Variants in CNBD1 observed in about 807,000 individuals in gnomAD.
CNBD1 encodes the protein cyclic nucleotide binding domain containing 1.
CNBD1 carries 71 observed loss-of-function variants against 54.4 expected under a neutral mutation model. The ratio of observed to expected loss-of-function variants is 1.30; its 90% CI spans 1.08 to 1.59. The LOEUF is 1.59. Ranked by LOEUF, CNBD1 falls within the 40% of genes most tolerant of loss-of-function variation. CNBD1 has a pLI of 0.00. For missense variants in CNBD1, 659 were observed against 518.0 expected, an observed-to-expected ratio of 1.27 and a Z score of -2.64; for synonymous variants, 182 against 170.7, an observed-to-expected ratio of 1.07 and a Z score of -0.51.
intron 4 of CNBD1, among the ~76,000 whole-genome samples, chr8:87,006,886 T>C (rs537155334): frequency 6.6e-6 from 1 of 152,358 alleles, no homozygotes; most frequent in African/African-American, 2.4e-5. Flanking sequence ...TAGTACGTAA[T>C]TGAACATTGT....
chr8:87,421,163 C>T (rs1339561569), intron 2 of CNBD1, among the ~76,000 whole-genome samples: 2 of 152,020 alleles, frequency 1.3e-5, no homozygotes, highest in Non-Finnish European at 2.9e-5. Context: ...CCAAATTTTA[C>T]CTTATCTCTG....
chr8:86,875,370 T>A (rs1265528144), intron 1 of CNBD1, among the ~76,000 whole-genome samples: 1 of 152,090 alleles, frequency 6.6e-6, no homozygotes, highest in Non-Finnish European at 1.5e-5. Context: ...TCACCCTACC[T>A]ACTCCTGGTA....
At chr8:86,933,847 A>G (rs1278243375) in intron 3 of CNBD1, among the ~76,000 whole-genome samples, 1 of 152,156 alleles carries the variant, frequency 6.6e-6, no homozygotes, top group Non-Finnish European at 1.5e-5. Flanking sequence ...CTTTTTAATT[A>G]CTAGTTCTAT....
chr8:87,155,077 T>G (rs562142127), intron 4 of CNBD1, among the ~76,000 whole-genome samples: 18 of 152,094 alleles, frequency 1.2e-4, no homozygotes, highest in Non-Finnish European at 2.2e-4. Context: ...GGAGGGCAAT[T>G]TTCCTCTTTT....
intron 4 of CNBD1, among the ~76,000 whole-genome samples, chr8:87,110,778 A>G (rs1404771309): frequency 1.3e-5 from 2 of 152,264 alleles, no homozygotes; most frequent in Non-Finnish European, 2.9e-5. Flanking sequence ...GCCCTGGGGC[A>G]AATCAACAAA....
rs558924187 is a variant in CNBD1 at position 87,356,562 on chromosome 8, A to G, written c.1303+2776A>G. On this transcript the variant is annotated intron_variant, in intron 10 of 10. Transcript: ENST00000518476. Reference sequence around the variant, plus strand: ...GTGGAAGAAATTTCTAAGCAGCAAAACATTCAAGAATTAGTGTGGGTGCAT... The same window carrying G: ...GTGGAAGAAATTTCTAAGCAGCAAAGCATTCAAGAATTAGTGTGGGTGCAT... 2.0e-5 allele frequency among the ~76,000 whole-genome samples: 3 copies of G among 152,264 alleles called. No homozygotes were observed. In the South Asian group the frequency reaches 6.2e-4, roughly 32 times the overall value.
At chr8:87,139,223 A>G (rs1812322602) in intron 4 of CNBD1, among the ~76,000 whole-genome samples, 1 of 152,232 alleles carries the variant, frequency 6.6e-6, no homozygotes, top group South Asian at 2.1e-4. Context: ...GATAGCAGAA[A>G]TTCAAAGTAA....
At chr8:87,388,104 C>G (rs1040796465) in intron 2 of CNBD1, among the ~76,000 whole-genome samples, 12 of 151,482 alleles carry the variant, frequency 7.9e-5, no homozygotes, top group Non-Finnish European at 1.6e-4. Flanking sequence ...ACATTCAAAA[C>G]TGTGTAGAGG....
intron 4 of CNBD1, among the ~76,000 whole-genome samples, chr8:87,125,699 C>A (rs569950696): frequency 6.6e-6 from 1 of 151,794 alleles, no homozygotes. Context: ...AAACAATAGG[C>A]TGTTCATATT....
At position 87,281,582 on chromosome 8, in the gene CNBD1, A is replaced by G. The variant is rs1483205029; in HGVS notation, c.772-3096A>G. Among the ~76,000 whole-genome samples the G allele has an allele frequency of 1.1e-4, 5 of 44,434 alleles. 2 individuals carry two copies. The highest frequency in any genetic ancestry group is 2.0e-4 in the Non-Finnish European group (4 of 19,798). 29.2% of individuals were successfully genotyped at this position (44,434 alleles called of 152,430 possible). ...TATATATATATATATATATATATAT[A>G]TATATATATATATATATATAACTAA... is the stretch of plus-strand genomic sequence containing the variant. On this transcript the variant is annotated intron_variant, in intron 6 of 10. Coordinates refer to ENST00000518476, the MANE Select transcript of CNBD1 (RefSeq NM_173538.3).
At chr8:87,098,640 G>A (rs1811363342) in intron 4 of CNBD1, among the ~76,000 whole-genome samples, 1 of 151,598 alleles carries the variant, frequency 6.6e-6, no homozygotes, top group South Asian at 2.1e-4. Flanking sequence ...TCAAACAGAA[G>A]CCACATAGAG....
At position 87,351,716 on chromosome 8, in the gene CNBD1, TG is replaced by T; in HGVS notation, c.1075del (p.Val359TrpfsTer16). On this transcript the variant is annotated frameshift_variant, in exon 9 of 11. Transcript: ENST00000518476. LOFTEE classifies it high-confidence loss of function. ...TGGAAAGTGGAAATATAATTTCTTT[TG>T]TGGGTTATATTAACTCTGGATGCTG... ...IVESGNIISF[V>X]GYINSGCCNI... is the part of the protein sequence containing the mutation. 3.9e-6 allele frequency: 6 copies of T among 1,532,784 alleles called. No homozygotes were observed. Among genetic ancestry groups the T allele is most frequent in the Non-Finnish European group, 5.2e-6 (6 of 1,144,718 alleles). 94.9% of individuals were successfully genotyped at this position (1,532,784 alleles called of 1,614,324 possible). A position where few individuals can be genotyped will look rare whatever the true frequency, so the allele number is the denominator to read the frequency against.
intron 10 of CNBD1, among the ~76,000 whole-genome samples, chr8:87,376,597 T>C (rs1006501922): frequency 4.6e-5 from 7 of 151,970 alleles, no homozygotes; most frequent in African/African-American, 1.7e-4. Context: ...TTTGGACATA[T>C]GTATTCATAG....
chr8:87,053,553 C>T (rs1012981857), intron 4 of CNBD1, among the ~76,000 whole-genome samples: 1 of 152,222 alleles, frequency 6.6e-6, no homozygotes, highest in Non-Finnish European at 1.5e-5. Flanking sequence ...CTCTCCCCTT[C>T]TCTCTTTGGT....
chr8:87,365,611 T>C (rs1182783382), intron 10 of CNBD1, among the ~76,000 whole-genome samples: 1 of 152,110 alleles, frequency 6.6e-6, no homozygotes, highest in African/African-American at 2.4e-5. Context: ...ATGCCATGTC[T>C]AACAATAAGG....
At chr8:87,225,045 G>C (rs1224161922) in intron 5 of CNBD1, among the ~76,000 whole-genome samples, 1 of 151,626 alleles carries the variant, frequency 6.6e-6, no homozygotes, top group Admixed American at 6.6e-5. Flanking sequence ...CTCTCTGTTT[G>C]TCTGTTGTTG....
chr8:87,421,036 C>T (rs1807925212), intron 2 of CNBD1, among the ~76,000 whole-genome samples: 1 of 151,808 alleles, frequency 6.6e-6, no homozygotes, highest in South Asian at 2.1e-4. Context: ...AAAATCGGTG[C>T]AGATAGCAAC....
chr8:87,366,225 T>A (rs575620601), intron 10 of CNBD1, among the ~76,000 whole-genome samples: 1 of 152,216 alleles, frequency 6.6e-6, no homozygotes, highest in East Asian at 1.9e-4. Flanking sequence ...GAGTTTCACA[T>A]GGCTAAAATC....
intron 8 of CNBD1, among the ~76,000 whole-genome samples, chr8:87,347,355 C>G (rs1190117518): frequency 3.3e-5 from 5 of 152,064 alleles, no homozygotes; most frequent in African/African-American, 1.2e-4. Flanking sequence ...TGCATTCTTC[C>G]AACAAATATT....
Sources: allele counts gnomAD v4.1 joint callset (sites outside exome capture counted in the v4.1 genomes callset), GRCh38; gene constraint gnomAD v4.1.1; transcripts MANE v1.5; gene names NCBI Gene and HGNC (gene_info 2026-07-23, HGNC 2026-07-21).